The following EPM2A variants were observed in gnomAD, a reference collection of about 807,000 sequenced individuals.
EPM2A encodes the protein EPM2A glucan phosphatase, laforin, also known as laforin.
Under a neutral mutation model 26.5 loss-of-function variants are expected in EPM2A, and 21 were observed. The ratio of observed to expected loss-of-function variants is 0.79; its 90% CI spans 0.56 to 1.14. The LOEUF (loss-of-function observed/expected upper bound fraction) is 1.14, where lower values mean the gene tolerates loss of function less well. EPM2A is among the 50% of genes most tolerant of loss of function. The probability of loss-of-function intolerance (pLI) is 0.00; values close to 1 mark genes in which losing one functional copy is unlikely to be tolerated. For missense variants in EPM2A, 458 were observed against 440.8 expected, an observed-to-expected ratio of 1.04 and a Z score of -0.35; for synonymous variants, 217 against 177.6, an observed-to-expected ratio of 1.22 and a Z score of -1.76.
chr6:145,603,291 A>C (rs961662041), intron 2 of EPM2A, among the ~76,000 whole-genome samples: 1 of 151,844 alleles, frequency 6.6e-6, no homozygotes, highest in Non-Finnish European at 1.5e-5. Flanking sequence ...AAAAAAAAAA[A>C]AACTGTTAAA....
intron 2 of EPM2A, among the ~76,000 whole-genome samples, chr6:145,554,175 G>T (rs906160770): frequency 2.0e-5 from 3 of 151,898 alleles, no homozygotes; most frequent in South Asian, 2.1e-4. Flanking sequence ...CTGAGTAGGG[G>T]AAATAAAAAC....
chr6:145,630,902 C>G (rs1198603395), intron 3 of EPM2A: 2 of 152,186 alleles, frequency 1.3e-5, no homozygotes, highest in Non-Finnish European at 2.9e-5. Context: ...CAAGGTTATT[C>G]CTTAAGTGGC....
At chr6:145,683,313 G>GTGTGTA (rs1178628366) in intron 2 of EPM2A, among the ~76,000 whole-genome samples, 20 of 147,366 alleles carry the variant, frequency 1.4e-4, no homozygotes, top group African/African-American at 3.0e-4. Flanking sequence ...GTGTGAGTGT[G>GTGTGTA]TATATATTAG....
At chr6:145,436,027 G>C (rs926989301) in intron 4 of EPM2A, among the ~76,000 whole-genome samples, 3 of 152,206 alleles carry the variant, frequency 2.0e-5, no homozygotes, top group African/African-American at 7.2e-5. Context: ...AATGTAAAAT[G>C]ACAGGTATCC....
At chr6:145,638,802 C>T (rs1776878532) in intron 2 of EPM2A, 2 of 152,178 alleles carry the variant, frequency 1.3e-5, no homozygotes, top group Admixed American at 6.5e-5. Context: ...AGCTAAAGTG[C>T]CCTTCATGTG....
chr6:145,389,108 T>C (rs570894207), intron 4 of EPM2A, among the ~76,000 whole-genome samples: 6 of 152,234 alleles, frequency 3.9e-5, no homozygotes, highest in African/African-American at 1.4e-4. Flanking sequence ...AAAATATTAG[T>C]TTCTCAATTG....
intron 4 of EPM2A, among the ~76,000 whole-genome samples, chr6:145,402,659 T>C (rs191601757): frequency 6.6e-6 from 1 of 152,180 alleles, no homozygotes; most frequent in Admixed American, 6.5e-5. Context: ...TATTTTTAAT[T>C]GGTTCAGAAA....
At chr6:145,506,704 A>G (rs1244216511) in intron 2 of EPM2A, among the ~76,000 whole-genome samples, 2 of 152,228 alleles carry the variant, frequency 1.3e-5, no homozygotes, top group Admixed American at 1.3e-4. Flanking sequence ...TATCTGGGTC[A>G]TACAAATACT....
chr6:145,703,976 C>T (rs1306694202), intron 1 of EPM2A, among the ~76,000 whole-genome samples: 1 of 152,158 alleles, frequency 6.6e-6, no homozygotes, highest in Non-Finnish European at 1.5e-5. Context: ...CATCCATCAG[C>T]TTAATTTTAA....
At chr6:145,523,099 G>T (rs148117033) in intron 2 of EPM2A, among the ~76,000 whole-genome samples, 2 of 152,080 alleles carry the variant, frequency 1.3e-5, no homozygotes, top group Admixed American at 6.5e-5. Context: ...TTGAATTTGC[G>T]TGTTTTCTCT....
intron 4 of EPM2A, chr6:145,490,991 C>T (rs1294597889): frequency 6.5e-6 from 6 of 920,126 alleles, no homozygotes; most frequent in Admixed American, 5.5e-5. Flanking sequence ...ATGCCTTCAT[C>T]TTCACTTCAA....
intron 4 of EPM2A, among the ~76,000 whole-genome samples, chr6:145,492,499 G>T (rs1052893436): frequency 6.6e-6 from 1 of 152,162 alleles, no homozygotes; most frequent in East Asian, 1.9e-4. Context: ...ACCAGCAAGG[G>T]CAGAGGGTCA....
intron 2 of EPM2A, among the ~76,000 whole-genome samples, chr6:145,527,149 T>A (rs1780286220): frequency 1.3e-5 from 2 of 152,110 alleles, no homozygotes; most frequent in South Asian, 4.1e-4. Context: ...TCTGAGAATA[T>A]ATTTGGTATC....
At chr6:145,707,385 A>G (rs1782281772) in intron 1 of EPM2A, among the ~76,000 whole-genome samples, 1 of 152,142 alleles carries the variant, frequency 6.6e-6, no homozygotes, top group African/African-American at 2.4e-5. Context: ...CCATACTAAG[A>G]AGTTTAGACT....
At chr6:145,620,860 G>A (rs146054785), downstream of EPM2A, among the ~76,000 whole-genome samples, 12 of 152,226 alleles carry the variant, frequency 7.9e-5, no homozygotes, top group African/African-American at 2.9e-4. Flanking sequence ...ATTATTTAGG[G>A]TGTACAATTA....
chr6:145,412,355 C>T (rs561592417), intron 4 of EPM2A, among the ~76,000 whole-genome samples: 1 of 152,174 alleles, frequency 6.6e-6, no homozygotes, highest in African/African-American at 2.4e-5. Context: ...ACATTCCTCA[C>T]AAATATCTTT....
At chr6:145,699,477 A>G (rs956846812) in intron 1 of EPM2A, among the ~76,000 whole-genome samples, 1 of 152,212 alleles carries the variant, frequency 6.6e-6, no homozygotes, top group African/African-American at 2.4e-5. Context: ...ACTATGTTGG[A>G]GAAGGTAATA....
intron 2 of EPM2A, among the ~76,000 whole-genome samples, chr6:145,581,163 CT>C (rs1330350794): frequency 6.6e-6 from 1 of 152,122 alleles, no homozygotes; most frequent in Non-Finnish European, 1.5e-5. Context: ...TCACTAACTT[CT>C]GTTATTTTTT....
chr6:145,574,965 G>A (rs544001219), intron 2 of EPM2A, among the ~76,000 whole-genome samples: 1 of 152,224 alleles, frequency 6.6e-6, no homozygotes, highest in African/African-American at 2.4e-5. Flanking sequence ...CAAGTGTAGT[G>A]CACCTCCTCA....
Sources: gnomAD v4.1 joint callset for allele counts (sites outside exome capture counted in the v4.1 genomes callset) on GRCh38, gnomAD v4.1.1 for gene constraint, MANE v1.5 for transcripts, NCBI Gene and HGNC (gene_info 2026-07-23, HGNC 2026-07-21) for gene names.